LGR6: variants seen among roughly 807,000 people sequenced by gnomAD.
The protein encoded by LGR6 is leucine rich repeat containing G protein-coupled receptor 6.
LGR6 carries 45 observed loss-of-function variants against 69.4 expected under a neutral mutation model. The observed-to-expected ratio is 0.65, with a 90% CI of 0.51 to 0.83. The LOEUF is 0.83. Ranked by LOEUF, LGR6 falls within the 40% of genes least tolerant of loss-of-function variation. LGR6 has a pLI of 0.00. For missense variants in LGR6, 1,108 were observed against 1,246.7 expected, an observed-to-expected ratio of 0.89 and a Z score of 1.68; for synonymous variants, 538 against 555.0, an observed-to-expected ratio of 0.97 and a Z score of 0.43.
Position 202,194,018 on chromosome 1 carries a change from T to C in LGR6, c.29T>C (p.Leu10Pro). ...CCCAGCCCGCCGGGGCTCCGGGCGCTATGGCTTTGCGCCGCGCTGTGCGCT... is the reference window on the plus strand; with the variant it reads ...CCCAGCCCGCCGGGGCTCCGGGCGCCATGGCTTTGCGCCGCGCTGTGCGCT... Reference protein sequence around the residue: MPSPPGLRALWLCAALCASR... With the variant: MPSPPGLRAPWLCAALCASR... The change falls in exon 1 of 18, where the codon CTA becomes CCA. Residue 10 changes from leucine to proline, a missense_variant. Transcript: ENST00000367278. 7.2e-7 allele frequency: 1 copy of C among 1,387,238 alleles called. No individual in the cohort carries two copies. Among genetic ancestry groups the C allele is most frequent in the South Asian group, 1.6e-5 (1 of 63,304 alleles). The allele number at this position is 1,387,238 out of a possible 1,614,324, so 85.9% of individuals were successfully genotyped here.
At chr1:202,255,271 GGGCC>G (rs1450498778) in intron 4 of LGR6, among the ~76,000 whole-genome samples, 1 of 152,192 alleles carries the variant, frequency 6.6e-6, no homozygotes, top group African/African-American at 2.4e-5. Flanking sequence ...CTTCTGCCAT[GGGCC>G]ACAAGTGAGG....
chr1:202,217,391 C>T (rs1299651985), intron 1 of LGR6, among the ~76,000 whole-genome samples: 3 of 152,172 alleles, frequency 2.0e-5, no homozygotes, highest in South Asian at 4.1e-4. Flanking sequence ...TGAAACACCA[C>T]GATGCAGTGG....
chr1:202,248,846 G>C (rs1662983135), intron 4 of LGR6, among the ~76,000 whole-genome samples: 2 of 152,176 alleles, frequency 1.3e-5, no homozygotes, highest in Non-Finnish European at 1.5e-5. Context: ...ATTGCCTGGT[G>C]AGTGGGGAGT....
intron 7 of LGR6, among the ~76,000 whole-genome samples, chr1:202,299,586 C>T (rs893775075): frequency 4.6e-5 from 7 of 152,056 alleles, no homozygotes; most frequent in African/African-American, 1.7e-4. Context: ...CTTCTAAATC[C>T]CTCAGAGCTT....
At chr1:202,233,738 G>A (rs532050486) in intron 3 of LGR6, among the ~76,000 whole-genome samples, 2 of 152,202 alleles carry the variant, frequency 1.3e-5, no homozygotes, top group African/African-American at 4.8e-5. Context: ...ATAATTGATA[G>A]TATCAGTGAA....
intron 4 of LGR6, among the ~76,000 whole-genome samples, chr1:202,265,553 T>C (rs1332160449): frequency 1.3e-5 from 2 of 152,200 alleles, no homozygotes; most frequent in Non-Finnish European, 2.9e-5. Context: ...GAACACCTTC[T>C]TCTTCTCCCA....
intron 4 of LGR6, among the ~76,000 whole-genome samples, chr1:202,248,310 G>A (rs576631139): frequency 4.4e-4 from 67 of 152,336 alleles, no homozygotes; most frequent in Admixed American, 1.6e-3. Context: ...TGAATCAGTG[G>A]CAGCGCTGCA....
At chr1:202,310,530 T>A (rs530496401) in intron 16 of LGR6, among the ~76,000 whole-genome samples, 173 bp downstream of exon 16, 1 of 151,998 alleles carries the variant, frequency 6.6e-6, no homozygotes, top group Admixed American at 6.6e-5. Flanking sequence ...GTTTGCACTT[T>A]GTCTCTCCAA....
chr1:202,194,219 GT>G lies in LGR6; in HGVS notation c.212+19del. The G allele has an allele frequency of 6.6e-7, 1 of 1,526,134 alleles. No homozygotes were observed. Among genetic ancestry groups the G allele is most frequent in the Non-Finnish European group, 8.8e-7 (1 of 1,140,964 alleles). 94.5% of individuals were successfully genotyped at this position (1,526,134 alleles called of 1,614,324 possible). A position where few individuals can be genotyped will look rare whatever the true frequency, so the allele number is the denominator to read the frequency against. On this transcript the variant is annotated intron_variant, in intron 1 of 17. Transcript: ENST00000367278. ...GCTTACCTGTGAGTACTGCCCGCCTGTCCCCGCCTGGTCCTGCGGGCTGCTG... is the reference window on the plus strand; with the variant it reads ...GCTTACCTGTGAGTACTGCCCGCCTGCCCCGCCTGGTCCTGCGGGCTGCTG...
At position 202,248,741 on chromosome 1, in the gene LGR6, T is replaced by A. The variant is rs926702425; in HGVS notation, c.428+12748T>A. ...ATTGCTGTCCCCTCGCAAAGCAATC[T>A]CTTCCCCAAGGAAAAAGGACAAGTC... is the stretch of plus-strand genomic sequence containing the variant. On this transcript the variant is annotated intron_variant, in intron 4 of 17. Coordinates refer to ENST00000367278, the MANE Select transcript of LGR6 (RefSeq NM_001017403.2). 6.6e-5 allele frequency among the ~76,000 whole-genome samples: 10 copies of A among 152,162 alleles called. 1 individual carries two copies. Among genetic ancestry groups the A allele is most frequent in the African/African-American group, 2.2e-4 (9 of 41,432 alleles).
intron 1 of LGR6, among the ~76,000 whole-genome samples, chr1:202,200,659 C>G (rs548938621): frequency 2.2e-4 from 34 of 152,306 alleles, no homozygotes; most frequent in African/African-American, 7.9e-4. Flanking sequence ...ATCGTGGGGT[C>G]CCCTTTGTAC....
At chr1:202,289,937 A>G (rs1666672933) in intron 6 of LGR6, among the ~76,000 whole-genome samples, 1 of 152,254 alleles carries the variant, frequency 6.6e-6, no homozygotes, top group Admixed American at 6.5e-5. Context: ...GTGATCCAGT[A>G]ATAAACACAA....
intron 1 of LGR6, among the ~76,000 whole-genome samples, chr1:202,220,344 A>C (rs3010074): frequency 1.3e-5 from 2 of 151,802 alleles, no homozygotes; most frequent in East Asian, 1.9e-4. Flanking sequence ...TCAGCCTCTC[A>C]AGTAACTGGG....
intron 14 of LGR6, among the ~76,000 whole-genome samples, chr1:202,308,294 A>G (rs1171283526): frequency 6.6e-6 from 1 of 152,126 alleles, no homozygotes; most frequent in Non-Finnish European, 1.5e-5. Flanking sequence ...GTCCTGCCAG[A>G]TAGGTAGGGT....
chr1:202,198,681 T>G (rs1658729072), intron 1 of LGR6, among the ~76,000 whole-genome samples: 2 of 149,938 alleles, frequency 1.3e-5, no homozygotes, highest in Non-Finnish European at 3.0e-5. Flanking sequence ...TTTTTTTTTT[T>G]TTTTTTTTTT....
intron 4 of LGR6, among the ~76,000 whole-genome samples, chr1:202,267,113 C>A (rs1490576478): frequency 6.6e-6 from 1 of 152,156 alleles, no homozygotes; most frequent in Non-Finnish European, 1.5e-5. Flanking sequence ...TCATGCTGGC[C>A]ACACTTCAAG....
In LGR6 at chr1:202,194,708, G is replaced by T. The variant is rs60277338; in HGVS notation, c.212+507G>T. 237 of 277,036 alleles carry T rather than the reference G, an allele frequency of 8.6e-4. 4 individuals are homozygous for T. Among genetic ancestry groups the T allele is most frequent in the African/African-American group, 5.5e-3 (217 of 39,302 alleles). 17.2% of individuals were successfully genotyped at this position (277,036 alleles called of 1,614,324 possible). ...GGCTGGGTGGCCTTCGTGGGGGCGG[G>T]GGGGGCGGGTTTCCTAGAAGCTGGG... On this transcript the variant is annotated intron_variant, in intron 1 of 17. Transcript: ENST00000367278.
At chr1:202,206,197 CT>C (rs777190631) in intron 1 of LGR6, among the ~76,000 whole-genome samples, 3 of 152,352 alleles carry the variant, frequency 2.0e-5, no homozygotes, top group South Asian at 4.1e-4. Context: ...AATCCGCTGC[CT>C]TTGTGGTGGA....
At chr1:202,205,506 AAC>A (rs1168444227) in intron 1 of LGR6, among the ~76,000 whole-genome samples, 1 of 82,464 alleles carries the variant, frequency 1.2e-5, no homozygotes, top group Non-Finnish European at 2.6e-5. Context: ...CCCTGCTTCA[AAC>A]ACACACACCC....
Sources: gnomAD v4.1 joint callset for allele counts (sites outside exome capture counted in the v4.1 genomes callset) on GRCh38, gnomAD v4.1.1 for gene constraint, MANE v1.5 for transcripts, NCBI Gene and HGNC (gene_info 2026-07-23, HGNC 2026-07-21) for gene names.